The following PLOD2 variants were observed in gnomAD, a reference collection of about 807,000 sequenced individuals.
PLOD2 encodes the protein lysine hydroxylase 2.
A neutral mutation model predicts 101.0 loss-of-function variants in PLOD2; 65 were observed. The observed-to-expected ratio is 0.64, with a 90% CI of 0.53 to 0.79. The LOEUF (loss-of-function observed/expected upper bound fraction) is 0.79, where lower values mean the gene tolerates loss of function less well. Ranked by LOEUF, PLOD2 falls within the 30% of genes least tolerant of loss-of-function variation. The pLI is 0.00. For missense variants in PLOD2, 909 were observed against 914.6 expected (o/e 0.99, Z 0.08); for synonymous variants, 314 against 302.9 (o/e 1.04, Z -0.38).
chr3:146,085,594 C>A, intron 10 of PLOD2: 1 of 341,404 alleles, frequency 2.9e-6, no homozygotes, highest in Non-Finnish European at 5.2e-6. Context: ...CATACACATG[C>A]ACACAAATGC....
In PLOD2 at chr3:146,081,763, C is replaced by T. The variant is rs1423349428; in HGVS notation, c.1333G>A (p.Val445Met). The stretch of plus-strand genomic sequence containing the variant: ...ACTCTATTCCCTTGAACAATATCCA[C>T]ATAATCTTCAGATCGTGCATAGTAT... ...DGYYARSEDYVDIVQGNRVGV... is the reference protein window; with the variant it reads ...DGYYARSEDYMDIVQGNRVGV... Residue 445 changes from valine (V) to methionine (M), a missense_variant, in exon 12 of 20, where the codon GTG (valine) becomes ATG (methionine). Physicochemically the swap from Val to Met is conservative, Grantham distance 21. Coordinates refer to ENST00000282903, the MANE Select transcript of PLOD2 (RefSeq NM_182943.3). 1.2e-6 allele frequency: 2 copies of T among 1,609,846 alleles called. No homozygotes were observed. Among genetic ancestry groups the T allele is most frequent in the Admixed American group, 1.7e-5 (1 of 60,008 alleles).
At chr3:146,132,941 G>A (rs1472146616) in intron 1 of PLOD2, among the ~76,000 whole-genome samples, 6 of 152,190 alleles carry the variant, frequency 3.9e-5, no homozygotes, top group African/African-American at 1.4e-4. Context: ...CACTTTGGGA[G>A]GCCAAGGTGG....
intron 4 of PLOD2, among the ~76,000 whole-genome samples, chr3:146,107,616 A>G (rs927602880): frequency 7.0e-6 from 1 of 142,880 alleles, no homozygotes. Flanking sequence ...GGTTCTTGCC[A>G]TATAAATTTT....
At chr3:146,096,988 C>A (rs1213957766) in intron 7 of PLOD2, among the ~76,000 whole-genome samples, 39 of 140,984 alleles carry the variant, frequency 2.8e-4, no homozygotes, top group African/African-American at 8.8e-4. Flanking sequence ...CCGCCCCGGC[C>A]GGGAGGGAGG....
intron 1 of PLOD2, among the ~76,000 whole-genome samples, chr3:146,145,054 G>C (rs1204440331): frequency 6.6e-6 from 1 of 151,966 alleles, no homozygotes; most frequent in Non-Finnish European, 1.5e-5. Flanking sequence ...ATTTCTACTG[G>C]TGCTTCAACA....
At chr3:146,124,062 G>C in intron 2 of PLOD2, 76 bp downstream of exon 2, 1 of 800,304 alleles carries the variant, frequency 1.2e-6, no homozygotes, top group Non-Finnish European at 2.2e-6. Flanking sequence ...GAGGATTACA[G>C]ATTGTACTGC....
At chr3:146,098,848 C>CA (rs1252472155) in intron 7 of PLOD2, among the ~76,000 whole-genome samples, 2 of 151,880 alleles carry the variant, frequency 1.3e-5, no homozygotes, top group Non-Finnish European at 2.9e-5. Context: ...AAAATCATAC[C>CA]AAAAAATCCT....
At chr3:146,118,185 T>A (rs1363638905) in intron 3 of PLOD2, among the ~76,000 whole-genome samples, 1 of 152,158 alleles carries the variant, frequency 6.6e-6, no homozygotes, top group Non-Finnish European at 1.5e-5. Flanking sequence ...GCTATTTTAA[T>A]GAACTTGGTA....
intron 1 of PLOD2, among the ~76,000 whole-genome samples, chr3:146,136,289 C>T (rs558937987): frequency 2.0e-5 from 3 of 152,144 alleles, no homozygotes; most frequent in Admixed American, 1.3e-4. Context: ...TGAGACTTTA[C>T]CAATTCATAT....
At position 146,139,797 on chromosome 3, in the gene PLOD2, T is replaced by C. The variant is rs574019607; in HGVS notation, c.110-15568A>G. 4.6e-5 allele frequency among the ~76,000 whole-genome samples: 7 copies of C among 152,264 alleles called. No individual in the cohort carries two copies. The East Asian group carries it at 1.4e-3, about 29-fold the overall frequency. On this transcript the variant is annotated intron_variant, in intron 1 of 19. Coordinates refer to ENST00000282903, the MANE Select transcript of PLOD2 (RefSeq NM_182943.3). ...TATTACAAGGCTTAGAATATACACA[T>C]TGAAACAGCACTAGGGAAGAAATAT...
chr3:146,122,424 CCAT>C (rs1233523215), intron 2 of PLOD2, among the ~76,000 whole-genome samples: 5 of 152,176 alleles, frequency 3.3e-5, no homozygotes, highest in Admixed American at 6.5e-5. Context: ...GTGCAATACA[CCAT>C]GTTAAGCACC....
intron 1 of PLOD2, among the ~76,000 whole-genome samples, chr3:146,154,524 G>A (rs1441409529): frequency 6.6e-6 from 1 of 151,306 alleles, no homozygotes. Context: ...AAGAGCAAAG[G>A]TTATCCAGTT....
intron 1 of PLOD2, among the ~76,000 whole-genome samples, chr3:146,145,117 T>C (rs1028922182): frequency 6.6e-6 from 1 of 152,174 alleles, no homozygotes; most frequent in African/African-American, 2.4e-5. Context: ...ATAATTTAGA[T>C]GACAAACGTC....
chr3:146,141,545 T>C (rs2031524002), intron 1 of PLOD2, among the ~76,000 whole-genome samples: 2 of 152,084 alleles, frequency 1.3e-5, no homozygotes, highest in South Asian at 4.1e-4. Flanking sequence ...TTCATCTTTA[T>C]TCTTTCAACA....
chr3:146,070,814 C>T lies in PLOD2; in HGVS notation c.2180G>A (p.Trp727Ter), dbSNP rs1241172500. The T allele has an allele frequency of 6.2e-7, 1 of 1,610,490 alleles. No individual in the cohort carries two copies. The highest frequency in any genetic ancestry group is 8.5e-7 in the Non-Finnish European group (1 of 1,177,506). The change falls in exon 20 of 20, where the codon TGG becomes TAG. Residue 727 changes from tryptophan to a stop codon, truncating the protein, a stop_gained. Transcript: ENST00000282903. LOFTEE classifies it high-confidence loss of function. ...GAGTCTCCCAGGATGCATGAAGCTCCAGCCTTTTCGTGGTGACTCAATAGA... is the reference window on the plus strand; with the variant it reads ...GAGTCTCCCAGGATGCATGAAGCTCTAGCCTTTTCGTGGTGACTCAATAGA... ...NCSIESPRKG[W>*]SFMHPGRLTH...
At chr3:146,110,774 T>G (rs1937616308) in intron 3 of PLOD2, among the ~76,000 whole-genome samples, 2 of 152,212 alleles carry the variant, frequency 1.3e-5, no homozygotes, top group African/African-American at 4.8e-5. Flanking sequence ...AGTTACTTGT[T>G]GTATAACTTT....
At chr3:146,114,029 AAT>A (rs1301107292) in intron 3 of PLOD2, among the ~76,000 whole-genome samples, 21 of 151,990 alleles carry the variant, frequency 1.4e-4, no homozygotes, top group Admixed American at 9.8e-4. Flanking sequence ...TAAGGGATGA[AAT>A]AGCCCCAGTC....
At chr3:146,080,069 G>T (rs1382230404) in intron 12 of PLOD2, among the ~76,000 whole-genome samples, 1 of 151,900 alleles carries the variant, frequency 6.6e-6, no homozygotes, top group Non-Finnish European at 1.5e-5. Context: ...ACCAAGAAAT[G>T]CAGTTAGATA....
At position 146,124,186 on chromosome 3, in the gene PLOD2, T is replaced by C. The variant is rs1397987910; in HGVS notation, c.153A>G (p.Gly51=). The C allele has an allele frequency of 1.3e-6, 2 of 1,597,670 alleles. No individual in the cohort carries two copies. The highest frequency in any genetic ancestry group is 1.7e-6 in the Non-Finnish European group (2 of 1,165,788). ...VITVATKESD[G]FHRFMQSAKY... ...TGGCTGACTGCATAAATCGATGGAA[T>C]CCATCACTTTCTTTTGTTGCTACAG... is the stretch of plus-strand genomic sequence containing the variant. The change falls in exon 2 of 20, where the codon GGA becomes GGG. Residue 51 remains glycine, a synonymous_variant. Transcript: ENST00000282903.
Sources: allele counts gnomAD v4.1 joint callset (sites outside exome capture counted in the v4.1 genomes callset), GRCh38; gene constraint gnomAD v4.1.1; transcripts MANE v1.5; gene names NCBI Gene and HGNC (gene_info 2026-07-23, HGNC 2026-07-21).